The following JAKMIP2 variants were observed in gnomAD, a reference collection of about 807,000 sequenced individuals.
JAKMIP2 encodes janus kinase and microtubule interacting protein 2.
A neutral mutation model predicts 115.0 loss-of-function variants in JAKMIP2; 25 were observed. The observed-to-expected ratio is 0.22, with a 90% CI of 0.16 to 0.30. The LOEUF is 0.30. Among genes scored for constraint, JAKMIP2 ranks in the 10% least tolerant of loss-of-function variants. The pLI, the probability that JAKMIP2 is intolerant of heterozygous loss-of-function variation, is 1.00. For synonymous variants in JAKMIP2, 334 were observed against 343.6 expected, an observed-to-expected ratio of 0.97 and a Z score of 0.31; for missense variants, 642 against 957.6, an observed-to-expected ratio of 0.67 and a Z score of 4.35.
In JAKMIP2 at chr5:147,644,904, G is replaced by A; in HGVS notation, c.1029C>T (p.Ser343=). The A allele has an allele frequency of 1.2e-6, 2 of 1,613,800 alleles. No homozygotes were observed. Among genetic ancestry groups the A allele is most frequent in the Non-Finnish European group, 1.7e-6 (2 of 1,179,818 alleles). The part of the protein sequence containing the change: ...LAKRNDELMV[S]LQRMEEKLKA... ...TTAGTTTTTCTTCCATGCGCTGCAA[G>A]GACACCATCAGTTCATCGTTTCTCT... The change falls in exon 6 of 22, where the codon TCC becomes TCT. Residue 343 remains serine, a synonymous_variant. Coordinates refer to ENST00000616793, the MANE Select transcript of JAKMIP2 (RefSeq NM_001270941.2).
intron 1 of JAKMIP2, among the ~76,000 whole-genome samples, chr5:147,779,415 T>C: frequency 6.6e-6 from 1 of 152,256 alleles, no homozygotes; most frequent in Non-Finnish European, 1.5e-5. Flanking sequence ...TCATATAATT[T>C]GTTTTTTTAA....
intron 1 of JAKMIP2, among the ~76,000 whole-genome samples, chr5:147,692,417 G>A (rs1013584302): frequency 3.3e-5 from 5 of 152,174 alleles, no homozygotes; most frequent in Admixed American, 1.3e-4. Context: ...GTGGTAATTT[G>A]TTACAGCAGC....
At chr5:147,642,741 T>C (rs1278491489) in intron 7 of JAKMIP2, among the ~76,000 whole-genome samples, 1 of 152,072 alleles carries the variant, frequency 6.6e-6, no homozygotes, top group African/African-American at 2.4e-5. Context: ...ATTGTGATGG[T>C]TAATATTGAG....
chr5:147,611,635 T>C (rs1756332962), intron 20 of JAKMIP2, among the ~76,000 whole-genome samples: 2 of 152,214 alleles, frequency 1.3e-5, no homozygotes, highest in Non-Finnish European at 2.9e-5. Flanking sequence ...TATTCAGCCA[T>C]CTTGCTCGGG....
chr5:147,684,361 G>A (rs1479797416), intron 1 of JAKMIP2, among the ~76,000 whole-genome samples: 2 of 151,530 alleles, frequency 1.3e-5, no homozygotes, highest in Non-Finnish European at 2.9e-5. Context: ...TGTATCATGA[G>A]GCCAAGACTA....
intron 21 of JAKMIP2, 46 bp from the exon 22 acceptor site, chr5:147,591,732 T>G: frequency 8.4e-7 from 1 of 1,191,420 alleles, no homozygotes; most frequent in Non-Finnish European, 1.2e-6. Flanking sequence ...ATTTTGTTAA[T>G]AGCTGAATCA....
intron 1 of JAKMIP2, among the ~76,000 whole-genome samples, chr5:147,725,216 A>G (rs1753470030): frequency 6.6e-6 from 1 of 152,168 alleles, no homozygotes; most frequent in Non-Finnish European, 1.5e-5. Context: ...AAAATGGGAT[A>G]AACTCTCGGT....
chr5:147,728,173 A>G (rs2126961455), intron 1 of JAKMIP2, among the ~76,000 whole-genome samples: 1 of 152,262 alleles, frequency 6.6e-6, no homozygotes, highest in East Asian at 1.9e-4. Context: ...GGGGTGGCTA[A>G]TGGCAGTCAT....
At chr5:147,737,034 T>C (rs1007862993) in intron 1 of JAKMIP2, among the ~76,000 whole-genome samples, 8 of 152,162 alleles carry the variant, frequency 5.3e-5, no homozygotes, top group Non-Finnish European at 1.0e-4. Flanking sequence ...AACACAAATT[T>C]AGAGAAAAAA....
chr5:147,741,723 G>A (rs1413731816), intron 1 of JAKMIP2, among the ~76,000 whole-genome samples: 2 of 151,970 alleles, frequency 1.3e-5, no homozygotes, highest in Non-Finnish European at 2.9e-5. Flanking sequence ...CTAGCTCTAG[G>A]GAAAGCCTGT....
intron 18 of JAKMIP2, among the ~76,000 whole-genome samples, chr5:147,620,281 T>C (rs559048276): frequency 1.3e-5 from 2 of 152,216 alleles, no homozygotes; most frequent in East Asian, 3.9e-4. Flanking sequence ...TTTTGTATTT[T>C]TATTTTTATT....
chr5:147,686,653 C>T (rs182682231), intron 1 of JAKMIP2, among the ~76,000 whole-genome samples: 2 of 152,000 alleles, frequency 1.3e-5, no homozygotes, highest in East Asian at 1.9e-4. Context: ...TCCTTAAACC[C>T]GCAAAATTTT....
chr5:147,678,028 G>A (rs998355612), intron 1 of JAKMIP2, among the ~76,000 whole-genome samples: 3 of 151,880 alleles, frequency 2.0e-5, no homozygotes, highest in Non-Finnish European at 2.9e-5. Context: ...TGTTTGAGAC[G>A]GAGTCTTGCT....
chr5:147,699,580 C>G (rs1026394309), intron 1 of JAKMIP2, among the ~76,000 whole-genome samples: 1 of 152,026 alleles, frequency 6.6e-6, no homozygotes, highest in South Asian at 2.1e-4. Flanking sequence ...TTTACCCCAG[C>G]CATAAATGAA....
intron 3 of JAKMIP2, among the ~76,000 whole-genome samples, chr5:147,653,297 A>C (rs1758501949): frequency 6.6e-6 from 1 of 152,186 alleles, no homozygotes; most frequent in Non-Finnish European, 1.5e-5. Flanking sequence ...TGTCCTCAAC[A>C]ATGGTTGGAC....
At chr5:147,753,396 T>C (rs761964850) in intron 1 of JAKMIP2, among the ~76,000 whole-genome samples, 3 of 152,182 alleles carry the variant, frequency 2.0e-5, no homozygotes, top group Non-Finnish European at 2.9e-5. Flanking sequence ...ACAGATGCCT[T>C]TCCTACAGGG....
At chr5:147,641,885 T>G in intron 7 of JAKMIP2, 121 bp from the exon 8 acceptor site, 2 of 802,732 alleles carry the variant, frequency 2.5e-6, no homozygotes, top group Non-Finnish European at 3.9e-6. Context: ...AAGACTTTGT[T>G]TTTTAAATTT....
At chr5:147,778,387 T>G (rs1199242158) in intron 1 of JAKMIP2, among the ~76,000 whole-genome samples, 1 of 152,104 alleles carries the variant, frequency 6.6e-6, no homozygotes, top group Admixed American at 6.6e-5. Flanking sequence ...AGAACAAATT[T>G]TGGTACCTGA....
intron 19 of JAKMIP2, among the ~76,000 whole-genome samples, chr5:147,615,199 G>A (rs1043891165): frequency 8.5e-5 from 13 of 152,170 alleles, no homozygotes; most frequent in African/African-American, 3.1e-4. Flanking sequence ...GGTTGTGAAT[G>A]AGTGCATAAC....
Sources: gnomAD v4.1 joint callset for allele counts (sites outside exome capture counted in the v4.1 genomes callset) on GRCh38, gnomAD v4.1.1 for gene constraint, MANE v1.5 for transcripts, NCBI Gene and HGNC (gene_info 2026-07-23, HGNC 2026-07-21) for gene names.